Variants in TAB2 observed in about 807,000 individuals in gnomAD.
The protein encoded by TAB2 is TGF-beta activated kinase 1 (MAP3K7) binding protein 2, also known as TGF-beta-activated kinase 1 and MAP3K7-binding protein 2.
In TAB2, 3 loss-of-function variants were observed where a neutral mutation model predicts 65.0. The observed-to-expected ratio is 0.05, with a 90% CI of 0.02 to 0.12. The LOEUF (loss-of-function observed/expected upper bound fraction) is 0.12, where lower values mean the gene tolerates loss of function less well. Ranked by LOEUF, TAB2 falls within the 10% of genes least tolerant of loss-of-function variation. The pLI, the probability that TAB2 is intolerant of heterozygous loss-of-function variation, is 1.00. For missense variants in TAB2, 623 were observed against 840.3 expected (o/e 0.74, Z 3.20); for synonymous variants, 298 against 285.1 (o/e 1.05, Z -0.46).
chr6:149,323,409 C>G (rs1337309934), intron 1 of TAB2, among the ~76,000 whole-genome samples: 5 of 152,042 alleles, frequency 3.3e-5, no homozygotes, highest in Admixed American at 2.0e-4. Flanking sequence ...ATTATTTGCT[C>G]TTAACTGTTA....
rs1450165734 is a variant in TAB2, at chr6:149,411,600, TA to T, written c.*1882del. 6.5e-6 allele frequency: 1 copy of T among 153,748 alleles called. No individual in the cohort carries two copies. The highest frequency in any genetic ancestry group is 1.5e-5 in the Non-Finnish European group (1 of 68,038). The allele number at this position is 153,748 out of a possible 1,614,324, so 9.5% of individuals were successfully genotyped here. ...TTATTTATAAAAATTAAAAAACTTATATTCTAATGTGGATTTTGTGACTTGT... is the reference window on the plus strand; with the variant it reads ...TTATTTATAAAAATTAAAAAACTTATTTCTAATGTGGATTTTGTGACTTGT... On this transcript the variant is annotated 3_prime_UTR_variant, in exon 7 of 7. Coordinates refer to ENST00000637181, the MANE Select transcript of TAB2 (RefSeq NM_001292034.3).
rs1359247054 is a variant in TAB2, at chr6:149,409,961, CTG to C, written c.*246_*247del. ...AAAGACTTGGTTGCCCACTGCCTAA[CTG>C]TGTACAGTGTTACCAGTGTCCCATT... On this transcript the variant is annotated 3_prime_UTR_variant, in exon 7 of 7. Transcript: ENST00000637181. 1.0e-5 allele frequency: 6 copies of C among 571,694 alleles called. No individual in the cohort carries two copies. Among genetic ancestry groups the C allele is most frequent in the Non-Finnish European group, 1.9e-5 (6 of 320,402 alleles). The allele number at this position is 571,694 out of a possible 1,614,324, so 35.4% of individuals were successfully genotyped here. A position where few individuals can be genotyped will look rare whatever the true frequency, so the allele number is the denominator to read the frequency against.
At chr6:149,348,441 A>G (rs1035568112) in intron 1 of TAB2, among the ~76,000 whole-genome samples, 1 of 152,028 alleles carries the variant, frequency 6.6e-6, no homozygotes, top group East Asian at 1.9e-4. Flanking sequence ...AGAAAGAAAA[A>G]AAAAAACTGT....
intron 1 of TAB2, among the ~76,000 whole-genome samples, chr6:149,358,674 T>TGTGTGTGTGTGTGTGTGTGTGTG (rs1238771619): frequency 7.5e-5 from 1 of 13,306 alleles, no homozygotes; most frequent in Non-Finnish European, 2.6e-4. Flanking sequence ...GTGTGTGTGT[T>TGTGTGTGTGTGTGTGTGTGTGTG]TTCAGTATAT....
intron 1 of TAB2, among the ~76,000 whole-genome samples, chr6:149,325,397 C>T (rs1287453051): frequency 1.3e-5 from 2 of 152,202 alleles, no homozygotes; most frequent in Non-Finnish European, 2.9e-5. Context: ...CTGTCCACTT[C>T]ATTTTTCCTC....
At chr6:149,390,295 C>A (rs1781940079) in intron 3 of TAB2, among the ~76,000 whole-genome samples, 1 of 151,800 alleles carries the variant, frequency 6.6e-6, no homozygotes, top group Admixed American at 6.6e-5. Context: ...TCATTACAGA[C>A]AAAAAACAAA....
intron 1 of TAB2, among the ~76,000 whole-genome samples, chr6:149,350,752 C>CTACAGGCATGTGCCACCA (rs982481659): frequency 4.0e-5 from 6 of 151,114 alleles, no homozygotes; most frequent in Non-Finnish European, 5.9e-5. Flanking sequence ...GTAGCTGGGA[C>CTACAGGCATGTGCCACCA]TACAGGCATG....
At chr6:149,356,789 T>G (rs960053390) in intron 1 of TAB2, among the ~76,000 whole-genome samples, 4 of 152,220 alleles carry the variant, frequency 2.6e-5, no homozygotes, top group Non-Finnish European at 5.9e-5. Context: ...GATCTTGACA[T>G]CAGATGTTGA....
intron 1 of TAB2, among the ~76,000 whole-genome samples, chr6:149,362,121 T>A (rs1326962685): frequency 6.6e-6 from 1 of 152,230 alleles, no homozygotes; most frequent in East Asian, 1.9e-4. Flanking sequence ...TGTTACCCAG[T>A]TCCCAAGTTG....
intron 1 of TAB2, among the ~76,000 whole-genome samples, chr6:149,335,189 C>T (rs996570527): frequency 6.6e-6 from 1 of 151,846 alleles, no homozygotes; most frequent in South Asian, 2.1e-4. Flanking sequence ...TCTTTTGGTC[C>T]GTTTCCCCAG....
intron 1 of TAB2, among the ~76,000 whole-genome samples, chr6:149,345,127 TAGTC>T (rs1213602805): frequency 2.0e-5 from 3 of 152,166 alleles, no homozygotes; most frequent in African/African-American, 7.2e-5. Context: ...GTGTAATACT[TAGTC>T]AGTTTGAGTG....
At chr6:149,347,006 A>G (rs1003835167) in intron 1 of TAB2, among the ~76,000 whole-genome samples, 6 of 152,312 alleles carry the variant, frequency 3.9e-5, no homozygotes, top group African/African-American at 1.4e-4. Context: ...TATGCACAGG[A>G]TAGATTATCC....
Position 149,409,786 on chromosome 6 carries a change from A to G in TAB2, c.*67A>G. The G allele has an allele frequency of 2.5e-6, 4 of 1,585,176 alleles. No individual in the cohort carries two copies. Among genetic ancestry groups the G allele is most frequent in the Non-Finnish European group, 3.5e-6 (4 of 1,154,920 alleles). On this transcript the variant is annotated 3_prime_UTR_variant, in exon 7 of 7. Transcript: ENST00000637181. ...TCAAGAAACTAGTCTGTCATCGGGA[A>G]AAAGTTTCACTGCTACATAGGATTT... is the stretch of plus-strand genomic sequence containing the variant.
chr6:149,291,331 T>C (rs1360310511), intron 1 of TAB2: 6 of 152,222 alleles, frequency 3.9e-5, no homozygotes, highest in Non-Finnish European at 8.8e-5. Flanking sequence ...CTGGATGTCA[T>C]CAGTAGAAAT....
intron 1 of TAB2, among the ~76,000 whole-genome samples, chr6:149,254,107 A>AC (rs1562389716): frequency 9.8e-6 from 1 of 102,294 alleles, no homozygotes; most frequent in African/African-American, 3.5e-5. Flanking sequence ...GGAAGGAAGG[A>AC]AGGAAGGACA....
intron 1 of TAB2, among the ~76,000 whole-genome samples, chr6:149,241,633 C>T (rs1427736391): frequency 2.6e-5 from 4 of 152,214 alleles, no homozygotes; most frequent in Admixed American, 6.5e-5. Context: ...CAAGGCTGAA[C>T]TCCCTGCAAA....
chr6:149,349,147 G>A (rs1780403155), intron 1 of TAB2, among the ~76,000 whole-genome samples: 1 of 152,060 alleles, frequency 6.6e-6, no homozygotes, highest in Admixed American at 6.5e-5. Context: ...AAGGCTGGGC[G>A]CCATGTCTCA....
chr6:149,342,523 C>G (rs897287628), intron 1 of TAB2: 1 of 152,136 alleles, frequency 6.6e-6, no homozygotes, highest in Admixed American at 6.5e-5. Flanking sequence ...AAACAGCATC[C>G]TTTGGTTACT....
In TAB2 at chr6:149,264,951, G is replaced by C. The variant is rs535767713; in HGVS notation, c.-121+46175G>C. 4.7e-4 allele frequency among the ~76,000 whole-genome samples: 71 copies of C among 152,352 alleles called. No individual in the cohort carries two copies. In the South Asian group the frequency reaches 0.015, roughly 32 times the overall value. The stretch of plus-strand genomic sequence containing the variant: ...TTCCAGGGATGGGCTGGTAGAAGAA[G>C]CATAAACCATTTGGTCCTATTCTGC... On this transcript the variant is annotated intron_variant, in intron 1 of 1. Coordinates refer to the TAB2 transcript ENST00000606202.
Sources: allele counts gnomAD v4.1 joint callset (sites outside exome capture counted in the v4.1 genomes callset), GRCh38; gene constraint gnomAD v4.1.1; transcripts MANE v1.5; gene names NCBI Gene and HGNC (gene_info 2026-07-23, HGNC 2026-07-21).